Variants in SLC2A12 observed in about 807,000 individuals in gnomAD.
SLC2A12 encodes solute carrier family 2, facilitated glucose transporter member 12.
Under a neutral mutation model 41.8 loss-of-function variants are expected in SLC2A12, and 23 were observed. That is an observed-to-expected ratio of 0.55 (90% CI 0.40 to 0.78). The LOEUF is 0.78. Ranked by LOEUF, SLC2A12 falls within the 30% of genes least tolerant of loss-of-function variation. SLC2A12 has a pLI of 0.00. For synonymous variants in SLC2A12, 295 were observed against 285.9 expected, an observed-to-expected ratio of 1.03 and a Z score of -0.32; for missense variants, 654 against 745.6, an observed-to-expected ratio of 0.88 and a Z score of 1.43.
chr6:134,050,726 A>G (rs1288409157), intron 1 of SLC2A12, among the ~76,000 whole-genome samples: 1 of 152,120 alleles, frequency 6.6e-6, no homozygotes, highest in African/African-American at 2.4e-5. Flanking sequence ...CTTGCTCTGC[A>G]GTCTAGACTG....
intron 3 of SLC2A12, among the ~76,000 whole-genome samples, chr6:134,002,358 C>T (rs567580971): frequency 6.6e-6 from 1 of 152,116 alleles, no homozygotes; most frequent in South Asian, 2.1e-4. Context: ...GTAACTATCA[C>T]AATTTACACC....
At chr6:134,046,128 T>A (rs1412463783) in intron 1 of SLC2A12, among the ~76,000 whole-genome samples, 1 of 152,198 alleles carries the variant, frequency 6.6e-6, no homozygotes, top group Admixed American at 6.5e-5. Flanking sequence ...TCATGGTTTT[T>A]TAATTAGTAT....
At chr6:134,030,487 G>T (rs1048645237) in intron 1 of SLC2A12, among the ~76,000 whole-genome samples, 1 of 152,090 alleles carries the variant, frequency 6.6e-6, no homozygotes, top group South Asian at 2.1e-4. Context: ...TTGTTCTTTC[G>T]TTAATGTTCA....
Position 134,028,607 on chromosome 6 carries a change from G to T in SLC2A12, c.1218C>A (p.Asp406Glu). The T allele has an allele frequency of 1.9e-6, 3 of 1,614,182 alleles. No homozygotes were observed. Among genetic ancestry groups the T allele is most frequent in the Non-Finnish European group, 2.5e-6 (3 of 1,180,030 alleles). The change falls in exon 2 of 5, where the codon GAC becomes GAA. Residue 406 changes from aspartate (D) to glutamate (E), a missense_variant. This residue lies in a region of SLC2A12 where 411 missense variants were observed against 412.1 expected (regional missense o/e 1.00). Transcript: ENST00000275230. ...TATGGGAAGAAATCCCTTTGAAGTG[G>T]TCTCTGAGAGTATTGTTGTTGGTTG... ...NLSTNNNTLRDHFKGISSHSR... is the reference protein window; with the variant it reads ...NLSTNNNTLREHFKGISSHSR...
rs1777157504 is a variant in SLC2A12 at position 134,029,015 on chromosome 6, A to G, written c.810T>C (p.Arg270=). Residue 270 remains arginine (R), a synonymous_variant, in exon 2 of 5, where the codon CGT becomes CGC. Coordinates refer to ENST00000275230, the MANE Select transcript of SLC2A12 (RefSeq NM_145176.3). ...TTCGGGTCCGCATGTTGTCTTTTGA[A>G]CGAAACAGATCCCAAAAACTGTACT... ...EYQYSFWDLF[R]SKDNMRTRIM... 1 of 1,614,116 alleles carries G rather than the reference A, an allele frequency of 6.2e-7. No homozygotes were observed. The highest frequency in any genetic ancestry group is 1.3e-5 in the African/African-American group (1 of 74,934).
chr6:134,024,988 C>G (rs1156248757), intron 2 of SLC2A12, among the ~76,000 whole-genome samples: 1 of 152,216 alleles, frequency 6.6e-6, no homozygotes, highest in African/African-American at 2.4e-5. Context: ...AAACTCTCTT[C>G]TTGTTATTAC....
At chr6:134,004,653 C>CGACTCATT (rs527865118) in intron 3 of SLC2A12, among the ~76,000 whole-genome samples, 21 of 152,068 alleles carry the variant, frequency 1.4e-4, no homozygotes, top group Non-Finnish European at 2.9e-4. Context: ...AAAGAGAAAC[C>CGACTCATT]GACTCATTGG....
intron 1 of SLC2A12, among the ~76,000 whole-genome samples, chr6:134,030,571 T>C (rs971208962): frequency 1.3e-5 from 2 of 152,160 alleles, no homozygotes; most frequent in Non-Finnish European, 2.9e-5. Flanking sequence ...TTGTTATATG[T>C]TTGCAACTTG....
chr6:134,029,360 G>T lies in SLC2A12; in HGVS notation c.465C>A (p.Ile155=), dbSNP rs377021554. The change falls in exon 2 of 5, where the codon ATC becomes ATA. Residue 155 remains isoleucine (I), a synonymous_variant. Transcript: ENST00000275230. ...SLSSIATCVY[I]AEIAPQHRRG... ...TTCTGTGTTGAGGAGCAATCTCTGC[G>T]ATGTAAACACAAGTGGCAATGGAAG... The T allele has an allele frequency of 7.4e-6, 12 of 1,614,154 alleles. No homozygotes were observed. The South Asian group carries it at 1.1e-4, about 15-fold the overall frequency.
intron 1 of SLC2A12, among the ~76,000 whole-genome samples, chr6:134,049,779 C>T (rs1166276542): frequency 6.6e-6 from 1 of 152,166 alleles, no homozygotes; most frequent in African/African-American, 2.4e-5. Flanking sequence ...TCAAGAAAGA[C>T]CTACCAAAAT....
intron 2 of SLC2A12, among the ~76,000 whole-genome samples, chr6:134,024,428 T>C (rs1777086940): frequency 6.6e-6 from 1 of 152,240 alleles, no homozygotes; most frequent in Non-Finnish European, 1.5e-5. Context: ...TAATAAATTT[T>C]TCCTTTTTCC....
At chr6:133,992,000 G>A (rs1776629758) in intron 4 of SLC2A12, among the ~76,000 whole-genome samples, 2 of 152,158 alleles carry the variant, frequency 1.3e-5, no homozygotes, top group Non-Finnish European at 2.9e-5. Context: ...AGGACAGACT[G>A]TATTATACAG....
At chr6:134,039,279 T>C (rs1246751813) in intron 1 of SLC2A12, among the ~76,000 whole-genome samples, 1 of 152,214 alleles carries the variant, frequency 6.6e-6, no homozygotes, top group Non-Finnish European at 1.5e-5. Flanking sequence ...ATTCTGCTGT[T>C]GCAGTTTCAT....
chr6:134,052,595 C>T lies in SLC2A12; in HGVS notation c.-115G>A, dbSNP rs969742978. 1.9e-5 allele frequency: 15 copies of T among 774,316 alleles called. No individual in the cohort carries two copies. The Middle Eastern group carries it at 7.1e-4, about 37-fold the overall frequency. The allele number at this position is 774,316 out of a possible 1,614,324, so 48.0% of individuals were successfully genotyped here. ...TGCTAAAGAAGAGTGTGGGGAAAAA[C>T]TTCGGGCAAAGCTAATGTGATTTGT... On this transcript the variant is annotated 5_prime_UTR_variant, in exon 1 of 5. Coordinates refer to ENST00000275230, the MANE Select transcript of SLC2A12 (RefSeq NM_145176.3).
In SLC2A12 at chr6:134,029,251, C is replaced by T. The variant is rs1033477928; in HGVS notation, c.574G>A (p.Val192Ile). The change falls in exon 2 of 5, where the codon GTT (valine) becomes ATT (isoleucine). Residue 192 changes from valine to isoleucine, a missense_variant. By Grantham distance (29) the Val-to-Ile change is conservative (BLOSUM62 3). Around this residue, in one of 3 missense-constraint regions of SLC2A12, gnomAD observed 411 missense variants for 412.1 expected, o/e 1.00. Transcript: ENST00000275230. ...AYISNYAFAN[V>I]FHGWKYMFGL... ...AACATGTACTTCCAGCCATGGAAAA[C>T]ATTGGCAAATGCGTAATTTGAAATA... 6.2e-7 allele frequency: 1 copy of T among 1,614,196 alleles called. No individual in the cohort carries two copies. Among genetic ancestry groups the T allele is most frequent in the Non-Finnish European group, 8.5e-7 (1 of 1,180,038 alleles).
chr6:134,048,122 A>G (rs1773592838), intron 1 of SLC2A12, among the ~76,000 whole-genome samples: 2 of 152,218 alleles, frequency 1.3e-5, no homozygotes, highest in South Asian at 4.1e-4. Context: ...CCATTTGCCC[A>G]GTGCTCACAG....
At chr6:133,991,717 C>A (rs1021628116) in intron 4 of SLC2A12, among the ~76,000 whole-genome samples, 4 of 152,170 alleles carry the variant, frequency 2.6e-5, no homozygotes, top group Non-Finnish European at 4.4e-5. Flanking sequence ...CAGGATTCTT[C>A]CCATCAGCAT....
At chr6:134,045,606 T>C (rs1026141755) in intron 1 of SLC2A12, among the ~76,000 whole-genome samples, 1 of 152,218 alleles carries the variant, frequency 6.6e-6, no homozygotes, top group African/African-American at 2.4e-5. Context: ...GAAGAGACCC[T>C]GGTACCTGGT....
At chr6:134,029,982 G>A (rs966984581) in intron 1 of SLC2A12, among the ~76,000 whole-genome samples, 10 of 152,136 alleles carry the variant, frequency 6.6e-5, no homozygotes, top group East Asian at 1.9e-4. Context: ...GATGTTTTTG[G>A]TTTAGATCAG....
Sources: gnomAD v4.1 joint callset for allele counts (sites outside exome capture counted in the v4.1 genomes callset) on GRCh38, gnomAD v4.1.1 for gene constraint, gnomAD v4.1.1 regional missense constraint, MANE v1.5 for transcripts, NCBI Gene and HGNC (gene_info 2026-07-23, HGNC 2026-07-21) for gene names.